Variants in CFAP61 observed in about 807,000 individuals in gnomAD.
CFAP61 encodes the protein cilia- and flagella-associated protein 61.
A neutral mutation model predicts 135.6 loss-of-function variants in CFAP61; 107 were observed. That is an observed-to-expected ratio of 0.79 (90% confidence interval 0.67 to 0.93). The LOEUF (loss-of-function observed/expected upper bound fraction) is 0.93. Among genes scored for constraint, CFAP61 ranks in the 40% least tolerant of loss-of-function variants. The pLI is 0.00. For synonymous variants in CFAP61, 575 were observed against 578.5 expected (o/e 0.99, Z 0.09); for missense variants, 1,507 against 1,556.2 (o/e 0.97, Z 0.53).
At chr20:20,161,558 A>T (rs2053405706) in intron 10 of CFAP61, among the ~76,000 whole-genome samples, 1 of 152,166 alleles carries the variant, frequency 6.6e-6, no homozygotes, top group African/African-American at 2.4e-5. Context: ...GAGACTGGTG[A>T]AAAGTGTGTG....
At chr20:20,249,119 C>G (rs1171158832) in intron 19 of CFAP61, among the ~76,000 whole-genome samples, 2 of 152,142 alleles carry the variant, frequency 1.3e-5, no homozygotes, top group Non-Finnish European at 2.9e-5. Context: ...CTTATTCATT[C>G]TACTTAAAAA....
intron 16 of CFAP61, among the ~76,000 whole-genome samples, chr20:20,198,735 T>A (rs2095832013): frequency 6.6e-6 from 1 of 152,208 alleles, no homozygotes; most frequent in African/African-American, 2.4e-5. Context: ...GTTTTTCAGT[T>A]TGCGAAGTCA....
intron 17 of CFAP61, among the ~76,000 whole-genome samples, chr20:20,208,267 C>A (rs1019695976): frequency 6.6e-6 from 1 of 152,170 alleles, no homozygotes; most frequent in Non-Finnish European, 1.5e-5. Context: ...TTCTCCTGCA[C>A]CCAGATGGAA....
chr20:20,216,977 C>G (rs946517171), intron 17 of CFAP61, among the ~76,000 whole-genome samples: 1 of 152,168 alleles, frequency 6.6e-6, no homozygotes, highest in Non-Finnish European at 1.5e-5. Context: ...TGTATTTCAG[C>G]TTCCTTCCTG....
At chr20:20,312,716 TC>T (rs2056902223) in intron 25 of CFAP61, among the ~76,000 whole-genome samples, 1 of 152,170 alleles carries the variant, frequency 6.6e-6, no homozygotes, top group African/African-American at 2.4e-5. Context: ...ACGGGCACAT[TC>T]TTTACAGACG....
chr20:20,223,003 C>A (rs1490221814), intron 17 of CFAP61, among the ~76,000 whole-genome samples: 1 of 152,164 alleles, frequency 6.6e-6, no homozygotes, highest in African/African-American at 2.4e-5. Flanking sequence ...TCTTTCATTT[C>A]CTTGTATGGA....
At chr20:20,129,636 A>C (rs2050355555) in intron 8 of CFAP61, among the ~76,000 whole-genome samples, 1 of 147,582 alleles carries the variant, frequency 6.8e-6, no homozygotes, top group Non-Finnish European at 1.5e-5. Context: ...TTTTTTAATA[A>C]ACTTTCTACC....
chr20:20,171,230 C>T (rs533177143), intron 13 of CFAP61, among the ~76,000 whole-genome samples: 8 of 152,228 alleles, frequency 5.3e-5, no homozygotes, highest in African/African-American at 1.9e-4. Context: ...CAGAGTGACC[C>T]CTAAACACAA....
rs1187984158 is a variant in CFAP61, at chr20:20,312,749, GATTTCTCATCAGAAGCAAT to G, written c.3422+14364_3422+14382del. 2.0e-5 allele frequency among the ~76,000 whole-genome samples: 3 copies of G among 152,182 alleles called. No individual in the cohort carries two copies. The East Asian group carries it at 5.8e-4, about 29-fold the overall frequency. ...GACGAATAAGATGAAAATGACAACAGATTTCTCATCAGAAGCAATGCAAGCCAGAAAACAGTGGAGCAAC... is the reference window on the plus strand; with the variant it reads ...GACGAATAAGATGAAAATGACAACAGGCAAGCCAGAAAACAGTGGAGCAAC... On this transcript the variant is annotated intron_variant, in intron 25 of 26. Coordinates refer to ENST00000245957, the MANE Select transcript of CFAP61 (RefSeq NM_015585.4).
chr20:20,111,239 A>G (rs939275548), intron 8 of CFAP61, among the ~76,000 whole-genome samples: 14 of 152,224 alleles, frequency 9.2e-5, no homozygotes, highest in Admixed American at 7.2e-4. Context: ...ACCACATTAA[A>G]GTTTGCTTTG....
rs766829350 is a variant in CFAP61, at chr20:20,263,138, T to A, written c.2503+8T>A. On this transcript the variant is annotated splice_region_variant and intron_variant, in intron 21 of 26. Transcript: ENST00000245957. ...ACTCCATCACCACAGAAGGTAAGGA[T>A]GTCGGTAACTGTGCATCTCTTCAGA... 5 of 1,605,048 alleles carry A rather than the reference T, an allele frequency of 3.1e-6. No homozygotes were observed. The highest frequency in any genetic ancestry group is 4.3e-6 in the Non-Finnish European group (5 of 1,173,646).
chr20:20,066,921 A>C (rs1471790826), intron 2 of CFAP61, among the ~76,000 whole-genome samples: 2 of 152,224 alleles, frequency 1.3e-5, no homozygotes, highest in Non-Finnish European at 2.9e-5. Context: ...GTGATAAATT[A>C]GGAAACTTTT....
At chr20:20,164,979 C>G (rs1160989255) in intron 11 of CFAP61, among the ~76,000 whole-genome samples, 2 of 152,166 alleles carry the variant, frequency 1.3e-5, no homozygotes, top group East Asian at 1.9e-4. Flanking sequence ...ACCACAAGAA[C>G]AGTATGGGGG....
At chr20:20,238,425 G>A (rs911497218) in intron 18 of CFAP61, among the ~76,000 whole-genome samples, 1 of 152,190 alleles carries the variant, frequency 6.6e-6, no homozygotes, top group African/African-American at 2.4e-5. Context: ...AGAGGTTTTA[G>A]TAAATTAAAT....
intron 8 of CFAP61, among the ~76,000 whole-genome samples, chr20:20,111,825 A>T (rs929215085): frequency 6.6e-6 from 1 of 152,198 alleles, no homozygotes; most frequent in Non-Finnish European, 1.5e-5. Flanking sequence ...CAAAGCCATA[A>T]TTTTATTCAT....
chr20:20,292,084 C>G (rs1193841219), intron 24 of CFAP61, among the ~76,000 whole-genome samples: 1 of 152,214 alleles, frequency 6.6e-6, no homozygotes, highest in Non-Finnish European at 1.5e-5. Context: ...TCAAATGGCA[C>G]AGGCTATGGG....
intron 9 of CFAP61, among the ~76,000 whole-genome samples, chr20:20,158,250 T>A (rs2053108392): frequency 7.3e-6 from 1 of 136,128 alleles, no homozygotes; most frequent in Non-Finnish European, 1.6e-5. Context: ...TTAAAAAAAA[T>A]AGATTAAAAC....
At chr20:20,078,500 A>G (rs1600484653) in intron 6 of CFAP61, among the ~76,000 whole-genome samples, 1 of 152,184 alleles carries the variant, frequency 6.6e-6, no homozygotes, top group East Asian at 1.9e-4. Context: ...GAAATAATAG[A>G]TTTAAATGGA....
chr20:20,167,773 G>A (rs1157137290), intron 12 of CFAP61, among the ~76,000 whole-genome samples: 1 of 152,148 alleles, frequency 6.6e-6, no homozygotes, highest in Non-Finnish European at 1.5e-5. Context: ...GTCAGACAAT[G>A]GTTCACTCCT....
Sources: allele counts gnomAD v4.1 joint callset (sites outside exome capture counted in the v4.1 genomes callset), GRCh38; gene constraint gnomAD v4.1.1; transcripts MANE v1.5; gene names NCBI Gene and HGNC (gene_info 2026-07-23, HGNC 2026-07-21).